The following AXIN1 variants were observed in gnomAD, a reference collection of about 807,000 sequenced individuals.
AXIN1 encodes axin-1.
Under a neutral mutation model 76.4 loss-of-function variants are expected in AXIN1, and 30 were observed. The observed-to-expected ratio is 0.39, with a 90% confidence interval of 0.29 to 0.53. AXIN1 has a LOEUF of 0.53. Among genes scored for constraint, AXIN1 ranks in the 20% least tolerant of loss-of-function variants. AXIN1 has a pLI of 0.66. For missense variants in AXIN1, 1,140 were observed against 1,198.8 expected (o/e 0.95, Z 0.72); for synonymous variants, 545 against 501.4 (o/e 1.09, Z -1.16).
intron 7 of AXIN1, among the ~76,000 whole-genome samples, chr16:295,519 T>G (rs2052687579): frequency 6.6e-6 from 1 of 151,714 alleles, no homozygotes; most frequent in Admixed American, 6.6e-5. Context: ...CCACTGCACT[T>G]CAGCCAGGGT....
At chr16:347,912 T>C (rs935027506) in intron 1 of AXIN1, among the ~76,000 whole-genome samples, 1 of 152,134 alleles carries the variant, frequency 6.6e-6, no homozygotes, top group Non-Finnish European at 1.5e-5. Context: ...AGATAGCAAA[T>C]AGTAAATGGG....
intron 5 of AXIN1, among the ~76,000 whole-genome samples, chr16:299,629 A>G (rs1207202101): frequency 2.6e-5 from 4 of 151,762 alleles, no homozygotes; most frequent in Non-Finnish European, 4.4e-5. Flanking sequence ...TGCTGGGATT[A>G]CAGGAGTGAG....
At chr16:337,755 C>A (rs889737895) in intron 2 of AXIN1, among the ~76,000 whole-genome samples, 6 of 152,244 alleles carry the variant, frequency 3.9e-5, no homozygotes, top group African/African-American at 1.4e-4. Flanking sequence ...CACAAGCCAG[C>A]GTTCAACTCC....
intron 2 of AXIN1, among the ~76,000 whole-genome samples, chr16:330,243 T>C (rs2053667624): frequency 1.3e-5 from 2 of 151,968 alleles, no homozygotes; most frequent in Non-Finnish European, 2.9e-5. Flanking sequence ...TCTATTTTTT[T>C]CTAGAGATGG....
At chr16:325,487 C>T (rs548182663) in intron 2 of AXIN1, among the ~76,000 whole-genome samples, 60 of 152,348 alleles carry the variant, frequency 3.9e-4, no homozygotes, top group African/African-American at 1.3e-3. Flanking sequence ...CGCTTCCCAG[C>T]GGGCAGAGTT....
chr16:297,135 C>T lies in AXIN1; in HGVS notation c.1876G>A (p.Ala626Thr), dbSNP rs2052732354. Residue 626 changes from alanine to threonine, a missense_variant, in exon 7 of 11, where the codon GCG (alanine) becomes ACG (threonine). Ala to Thr is a moderately conservative substitution (Grantham distance 58, BLOSUM62 0). Coordinates refer to ENST00000262320, the MANE Select transcript of AXIN1 (RefSeq NM_003502.4). ...STEVPGASED[A>T]EKNQKIMQWI... ...TGCATGATTTTCTGGTTCTTCTCCG[C>T]ATCCTCCGAGGCACCTGGCACCTCG... 2 of 1,612,808 alleles carry T rather than the reference C, an allele frequency of 1.2e-6. No homozygotes were observed. Among genetic ancestry groups the T allele is most frequent in the Non-Finnish European group, 1.7e-6 (2 of 1,179,970 alleles).
intron 4 of AXIN1, among the ~76,000 whole-genome samples, chr16:306,780 A>C (rs894573606): frequency 6.6e-6 from 1 of 152,214 alleles, no homozygotes. Context: ...TCACTGCTGG[A>C]GTCTGGGCCG....
At chr16:337,626 G>A (rs914681072) in intron 2 of AXIN1, among the ~76,000 whole-genome samples, 10 of 152,122 alleles carry the variant, frequency 6.6e-5, no homozygotes, top group African/African-American at 1.9e-4. Context: ...CAGGACACCC[G>A]GACGCCCAGC....
intron 5 of AXIN1, 131 bp downstream of exon 5, chr16:304,173 G>A: frequency 6.7e-7 from 1 of 1,481,856 alleles, no homozygotes; most frequent in African/African-American, 1.4e-5. Flanking sequence ...AGGGGACTCA[G>A]CCGGGAGGCC....
intron 2 of AXIN1, among the ~76,000 whole-genome samples, chr16:343,505 C>G (rs2053969588): frequency 6.6e-6 from 1 of 151,842 alleles, no homozygotes; most frequent in Admixed American, 6.6e-5. Context: ...AGTTCGAGAC[C>G]AGACTGGCCA....
rs373353224 is a variant in AXIN1, at chr16:291,104, C to T, written c.2294+86G>A. The T allele has an allele frequency of 4.1e-4, 542 of 1,324,168 alleles. 2 individuals are homozygous for T. In the African/African-American group the frequency reaches 6.9e-3, roughly 17 times the overall value. The allele number at this position is 1,324,168 out of a possible 1,614,324, so 82.0% of individuals were successfully genotyped here. ...GAGCGTGGTACCCGAGCTCAAGCCCCGGGACGGCGGCTCTACGATGGGACC... is the reference window on the plus strand; with the variant it reads ...GAGCGTGGTACCCGAGCTCAAGCCCTGGGACGGCGGCTCTACGATGGGACC... On this transcript the variant is annotated intron_variant, in intron 9 of 10. Transcript: ENST00000262320.
At chr16:294,788 C>T (rs992853856) in intron 7 of AXIN1, among the ~76,000 whole-genome samples, 28 of 132,878 alleles carry the variant, frequency 2.1e-4, no homozygotes, top group African/African-American at 8.0e-4. Context: ...AAAGGCCAGG[C>T]GCGGTGGCTC....
intron 7 of AXIN1, among the ~76,000 whole-genome samples, chr16:295,208 C>T (rs901052058): frequency 1.3e-5 from 2 of 151,096 alleles, no homozygotes; most frequent in African/African-American, 4.9e-5. Context: ...CAGGTTCAAG[C>T]GACTCTCCTG....
intron 2 of AXIN1, among the ~76,000 whole-genome samples, chr16:323,534 C>A (rs2053510007): frequency 6.6e-6 from 1 of 151,664 alleles, no homozygotes; most frequent in African/African-American, 2.4e-5. Context: ...GTAATCCCAG[C>A]ACTTTGGGAG....
intron 2 of AXIN1, among the ~76,000 whole-genome samples, chr16:342,853 T>C (rs2141689540): frequency 6.6e-6 from 1 of 152,382 alleles, no homozygotes; most frequent in Non-Finnish European, 1.5e-5. Context: ...TGCCAGGCCC[T>C]AAGGCACACC....
At chr16:309,268 T>G (rs2053110069) in intron 4 of AXIN1, among the ~76,000 whole-genome samples, 1 of 151,350 alleles carries the variant, frequency 6.6e-6, no homozygotes, top group Non-Finnish European at 1.5e-5. Flanking sequence ...AGGCAGAGCT[T>G]GCAGTGACAG....
At chr16:321,803 A>C (rs2053465027) in intron 2 of AXIN1, among the ~76,000 whole-genome samples, 1 of 152,248 alleles carries the variant, frequency 6.6e-6, no homozygotes, top group African/African-American at 2.4e-5. Flanking sequence ...ATAGCTGGGA[A>C]TATGAGGTGG....
chr16:323,187 C>T (rs906627122), intron 2 of AXIN1, among the ~76,000 whole-genome samples: 1 of 152,146 alleles, frequency 6.6e-6, no homozygotes. Flanking sequence ...TGCCTGTAAT[C>T]CCAGCACTTT....
intron 7 of AXIN1, 29 bp downstream of exon 7, chr16:297,027 A>C (rs1373715744): frequency 6.2e-7 from 1 of 1,606,554 alleles, no homozygotes; most frequent in East Asian, 2.2e-5. Flanking sequence ...AGCAGGCCCC[A>C]CGAGGCTGGC....
Sources: gnomAD v4.1 joint callset for allele counts (sites outside exome capture counted in the v4.1 genomes callset) on GRCh38, gnomAD v4.1.1 for gene constraint, MANE v1.5 for transcripts, NCBI Gene and HGNC (gene_info 2026-07-23, HGNC 2026-07-21) for gene names.